The following EZR variants were observed in gnomAD, a reference collection of about 807,000 sequenced individuals.
The protein encoded by EZR is ezrin.
A neutral mutation model predicts 74.8 loss-of-function variants in EZR; 40 were observed. That is an observed-to-expected ratio of 0.53 (90% confidence interval 0.42 to 0.70). The LOEUF is 0.70. Ranked by LOEUF, EZR falls within the 30% of genes least tolerant of loss-of-function variation. EZR has a pLI of 0.00. For missense variants in EZR, 678 were observed against 755.8 expected, an observed-to-expected ratio of 0.90 and a Z score of 1.21; for synonymous variants, 341 against 283.3, an observed-to-expected ratio of 1.20 and a Z score of -2.05.
intron 2 of EZR, among the ~76,000 whole-genome samples, chr6:158,793,912 G>C (rs944081695): frequency 4.6e-5 from 7 of 152,160 alleles, no homozygotes; most frequent in African/African-American, 1.7e-4. Context: ...TTTAAAATGA[G>C]ACATTCACTG....
chr6:158,798,186 T>C (rs1204400255), intron 2 of EZR, among the ~76,000 whole-genome samples: 2 of 140,980 alleles, frequency 1.4e-5, no homozygotes, highest in African/African-American at 5.1e-5. Flanking sequence ...TGCCCAGGAA[T>C]ATTCCATTGT....
At chr6:158,813,700 T>G (rs1339047867) in intron 2 of EZR, among the ~76,000 whole-genome samples, 1 of 152,258 alleles carries the variant, frequency 6.6e-6, no homozygotes. Context: ...GAAATTACCT[T>G]AAAATTTTGG....
Position 158,767,464 on chromosome 6 carries a change from G to C in EZR, c.1393C>G (p.Leu465Val). 6.2e-7 allele frequency: 1 copy of C among 1,611,102 alleles called. No individual in the cohort carries two copies. The highest frequency in any genetic ancestry group is 2.2e-5 in the East Asian group (1 of 44,824). ...DLVKTKEELH[L>V]VMTAPPPPPP... ...GGGGGCGGGGGTGCTGTCATCACCA[G>C]GTGCAGCTCCTCCTTGGTCTTCACC... Residue 465 changes from leucine to valine, a missense_variant, in exon 13 of 14, where the codon CTG becomes GTG. Leu to Val is a conservative substitution (Grantham distance 32, BLOSUM62 1). Around this residue, in one of 3 missense-constraint regions of EZR, gnomAD observed 342 missense variants for 341.2 expected, o/e 1.00. Transcript: ENST00000367075.
At chr6:158,807,758 A>T (rs1254306512) in intron 2 of EZR, among the ~76,000 whole-genome samples, 7 of 152,176 alleles carry the variant, frequency 4.6e-5, no homozygotes, top group Non-Finnish European at 1.0e-4. Flanking sequence ...TTCCCCCTGC[A>T]ATATAAGCTT....
At chr6:158,768,226 C>A (rs1349320758) in intron 12 of EZR, among the ~76,000 whole-genome samples, 1 of 151,942 alleles carries the variant, frequency 6.6e-6, no homozygotes, top group Admixed American at 6.6e-5. Context: ...GGCATTACCC[C>A]CCTTTGCTTT....
At chr6:158,817,846 A>T (rs1299995153) in intron 2 of EZR, among the ~76,000 whole-genome samples, 1 of 152,140 alleles carries the variant, frequency 6.6e-6, no homozygotes, top group African/African-American at 2.4e-5. Flanking sequence ...ACTACTGGGG[A>T]GGGGGCTCAC....
intron 1 of EZR, 33 bp from the exon 2 acceptor site, chr6:158,818,199 C>T: frequency 7.9e-7 from 1 of 1,258,338 alleles, no homozygotes; most frequent in Non-Finnish European, 1.1e-6. Flanking sequence ...AGAGCGCCCG[C>T]CCGCCCTGCC....
intron 9 of EZR, 118 bp downstream of exon 9, chr6:158,771,126 C>G: frequency 7.0e-7 from 1 of 1,432,830 alleles, no homozygotes; most frequent in South Asian, 1.4e-5. Flanking sequence ...AGCGTGGTGA[C>G]TGGGTTCCAT....
chr6:158,818,713 G>A (rs950184512), intron 1 of EZR, among the ~76,000 whole-genome samples: 1 of 151,926 alleles, frequency 6.6e-6, no homozygotes, highest in African/African-American at 2.4e-5. Context: ...AAGGCCCGGG[G>A]AGAGGGAGCG....
intron 2 of EZR, among the ~76,000 whole-genome samples, chr6:158,791,894 G>A (rs1198464191): frequency 6.6e-6 from 1 of 151,666 alleles, no homozygotes; most frequent in East Asian, 1.9e-4. Context: ...ATTTTTAGTA[G>A]AGACAGGGTT....
chr6:158,796,188 G>A (rs1011441974), intron 2 of EZR, among the ~76,000 whole-genome samples: 3 of 152,128 alleles, frequency 2.0e-5, no homozygotes, highest in Non-Finnish European at 4.4e-5. Flanking sequence ...GTGTTTTCAC[G>A]GAGAAGGGAC....
chr6:158,802,201 C>T (rs1777201208), intron 2 of EZR, among the ~76,000 whole-genome samples: 1 of 152,190 alleles, frequency 6.6e-6, no homozygotes, highest in South Asian at 2.1e-4. Flanking sequence ...AAGGTCATAA[C>T]TACAGACTTC....
At chr6:158,769,516 C>CGTGA in intron 11 of EZR, 98 bp from the exon 12 acceptor site, 1 of 1,264,072 alleles carries the variant, frequency 7.9e-7, no homozygotes, top group Non-Finnish European at 1.1e-6. Flanking sequence ...CAGTCTCCAA[C>CGTGA]GTGACACCTG....
chr6:158,802,262 A>G (rs950826855), intron 2 of EZR, among the ~76,000 whole-genome samples: 2 of 152,234 alleles, frequency 1.3e-5, no homozygotes, highest in African/African-American at 2.4e-5. Context: ...AGCTGTAGCT[A>G]GAGTTTCTCA....
At chr6:158,792,819 A>C (rs1178869237) in intron 2 of EZR, among the ~76,000 whole-genome samples, 1 of 150,608 alleles carries the variant, frequency 6.6e-6, no homozygotes, top group East Asian at 2.0e-4. Context: ...CATCTCAAAA[A>C]AAAAAAAAAG....
At chr6:158,815,262 CCTCT>C (rs992467636) in intron 2 of EZR, among the ~76,000 whole-genome samples, 9 of 152,198 alleles carry the variant, frequency 5.9e-5, no homozygotes, top group East Asian at 1.9e-4. Flanking sequence ...CTAACTGGAT[CCTCT>C]CTAACAGCCT....
At chr6:158,798,514 CT>C (rs1293503354) in intron 2 of EZR, among the ~76,000 whole-genome samples, 1 of 152,164 alleles carries the variant, frequency 6.6e-6, no homozygotes, top group African/African-American at 2.4e-5. Context: ...TTAGCCCTCA[CT>C]GCTTCTGGGC....
Position 158,766,269 on chromosome 6 carries a change from T to G in EZR, c.*645A>C, listed in dbSNP as rs896574263. On this transcript the variant is annotated 3_prime_UTR_variant, in exon 14 of 14. Transcript: ENST00000367075. The stretch of plus-strand genomic sequence containing the variant: ...TATAGCTGATCATTAATAAGGTGTA[T>G]AAGTACAATGTATTCTAAAACTGTT... The G allele has an allele frequency of 1.4e-5, 2 of 144,278 alleles. No homozygotes were observed. Among genetic ancestry groups the G allele is most frequent in the Non-Finnish European group, 3.0e-5 (2 of 66,662 alleles). 8.9% of individuals were successfully genotyped at this position (144,278 alleles called of 1,614,324 possible). A position where few individuals can be genotyped will look rare whatever the true frequency, so the allele number is the denominator to read the frequency against.
At chr6:158,796,834 C>A (rs1777082671) in intron 2 of EZR, among the ~76,000 whole-genome samples, 1 of 152,192 alleles carries the variant, frequency 6.6e-6, no homozygotes, top group African/African-American at 2.4e-5. Context: ...CACGGAGCAT[C>A]CCAGGGAACT....
Sources: allele counts gnomAD v4.1 joint callset (sites outside exome capture counted in the v4.1 genomes callset), GRCh38; gene constraint gnomAD v4.1.1; regional missense constraint gnomAD v4.1.1; transcripts MANE v1.5; gene names NCBI Gene and HGNC (gene_info 2026-07-23, HGNC 2026-07-21).